The following GFOD1 variants were observed in gnomAD, a reference collection of about 807,000 sequenced individuals.
GFOD1 encodes the protein Gfo/Idh/MocA-like oxidoreductase domain containing 1, also known as glucose-fructose oxidoreductase domain-containing protein 1.
Under a neutral mutation model 25.4 loss-of-function variants are expected in GFOD1, and 9 were observed. The observed-to-expected ratio is 0.35, with a 90% CI of 0.21 to 0.62. GFOD1 has a LOEUF of 0.62. Ranked by LOEUF, GFOD1 falls within the 20% of genes least tolerant of loss-of-function variation. The pLI is 0.72. For synonymous variants in GFOD1, 253 were observed against 245.6 expected, an observed-to-expected ratio of 1.03 and a Z score of -0.28; for missense variants, 403 against 556.9, an observed-to-expected ratio of 0.72 and a Z score of 2.78.
chr6:13,485,377 G>A (rs1198772755), intron 1 of GFOD1, among the ~76,000 whole-genome samples: 2 of 152,198 alleles, frequency 1.3e-5, no homozygotes. Flanking sequence ...ACTTCCGGCT[G>A]GTTTCTGGAT....
Position 13,360,675 on chromosome 6 carries a change from C to T in GFOD1, c.*4068G>A. 2.2e-6 allele frequency: 1 copy of T among 454,954 alleles called. No individual in the cohort carries two copies. Among genetic ancestry groups the T allele is most frequent in the Non-Finnish European group, 4.4e-6 (1 of 225,506 alleles). 28.2% of individuals were successfully genotyped at this position (454,954 alleles called of 1,614,324 possible). Reference sequence around the variant, plus strand: ...TTGGAATGGGAAGAAACACTGGCTACTTCTATGTGCAGCTCTACAGCCTCC... The same window carrying T: ...TTGGAATGGGAAGAAACACTGGCTATTTCTATGTGCAGCTCTACAGCCTCC... On this transcript the variant is annotated 3_prime_UTR_variant, in exon 2 of 2. Transcript: ENST00000379287.
chr6:13,486,258 C>A (rs57203835), intron 1 of GFOD1: 5,772 of 247,578 alleles, frequency 0.023, 204 homozygotes, highest in African/African-American at 0.072. Context: ...CCCCCCCCCC[C>A]ACACACACAC....
intron 1 of GFOD1, among the ~76,000 whole-genome samples, chr6:13,485,580 G>A (rs867680682): frequency 1.3e-5 from 2 of 151,984 alleles, no homozygotes; most frequent in African/African-American, 4.8e-5. Flanking sequence ...TTTAGGTTAC[G>A]TGCAAGAACT....
At chr6:13,478,171 A>T (rs1008419820) in intron 1 of GFOD1, among the ~76,000 whole-genome samples, 6 of 151,174 alleles carry the variant, frequency 4.0e-5, no homozygotes, top group Admixed American at 1.3e-4. Context: ...AGTTTTTTTC[A>T]TTTTGTTGCC....
chr6:13,443,752 G>A (rs1284222420), intron 1 of GFOD1, among the ~76,000 whole-genome samples: 1 of 149,438 alleles, frequency 6.7e-6, no homozygotes, highest in Non-Finnish European at 1.5e-5. Context: ...GGAGGCAGAG[G>A]TTGCAGTGAG....
At chr6:13,417,240 G>A (rs190833489) in intron 1 of GFOD1, among the ~76,000 whole-genome samples, 240 of 152,262 alleles carry the variant, frequency 1.6e-3, no homozygotes, top group Non-Finnish European at 2.9e-3. Flanking sequence ...TGCAAGCTCC[G>A]CTTCCCGGGT....
At chr6:13,414,688 G>T (rs1304592016) in intron 1 of GFOD1, among the ~76,000 whole-genome samples, 13 of 152,168 alleles carry the variant, frequency 8.5e-5, no homozygotes, top group Non-Finnish European at 1.8e-4. Flanking sequence ...CTGGCATGTA[G>T]GAAATGCTTG....
At chr6:13,452,074 G>A (rs1252689334) in intron 1 of GFOD1, among the ~76,000 whole-genome samples, 1 of 152,136 alleles carries the variant, frequency 6.6e-6, no homozygotes, top group East Asian at 1.9e-4. Context: ...TGCTCAGGTG[G>A]GAGGCAAAGG....
chr6:13,451,821 C>G (rs572029923), intron 1 of GFOD1, among the ~76,000 whole-genome samples: 1 of 152,294 alleles, frequency 6.6e-6, no homozygotes, highest in African/African-American at 2.4e-5. Flanking sequence ...TGAGGGTTTC[C>G]ACTGCATTCA....
chr6:13,465,597 C>T (rs766401856), intron 1 of GFOD1, among the ~76,000 whole-genome samples: 3 of 152,184 alleles, frequency 2.0e-5, no homozygotes, highest in African/African-American at 2.4e-5. Flanking sequence ...CCCTCAGAGA[C>T]GCTGATGTAA....
chr6:13,407,239 C>G (rs926165455), intron 1 of GFOD1, among the ~76,000 whole-genome samples: 2 of 152,184 alleles, frequency 1.3e-5, no homozygotes, highest in Non-Finnish European at 2.9e-5. Context: ...TATTTTGGAT[C>G]TGGGTTACTG....
Position 13,382,731 on chromosome 6 carries a change from G to A in GFOD1, c.254-17069C>T, listed in dbSNP as rs190836868. Reference sequence around the variant, plus strand: ...AGGTTTGTTACATAGGTAAATGTGTGTCATGGTGGTTTGCTGAGCCTATCA... The same window carrying A: ...AGGTTTGTTACATAGGTAAATGTGTATCATGGTGGTTTGCTGAGCCTATCA... On this transcript the variant is annotated intron_variant, in intron 1 of 1. Coordinates refer to ENST00000379287, the MANE Select transcript of GFOD1 (RefSeq NM_018988.4). 2.1e-3 allele frequency among the ~76,000 whole-genome samples: 324 copies of A among 152,284 alleles called. 2 individuals carry two copies. Among genetic ancestry groups the A allele is most frequent in the African/African-American group, 7.1e-3 (293 of 41,546 alleles).
At chr6:13,406,394 G>A (rs541532018) in intron 1 of GFOD1, among the ~76,000 whole-genome samples, 7 of 152,272 alleles carry the variant, frequency 4.6e-5, no homozygotes, top group Admixed American at 3.9e-4. Context: ...CCCTCTGAAG[G>A]ACAGCTTGTG....
chr6:13,376,011 G>A (rs151073695), intron 1 of GFOD1, among the ~76,000 whole-genome samples: 4 of 152,330 alleles, frequency 2.6e-5, no homozygotes, highest in African/African-American at 9.6e-5. Flanking sequence ...GCATTCCCCA[G>A]GAAAGAAAAG....
At chr6:13,415,957 T>A (rs937352360) in intron 1 of GFOD1, among the ~76,000 whole-genome samples, 16 of 152,190 alleles carry the variant, frequency 1.1e-4, no homozygotes, top group African/African-American at 3.9e-4. Flanking sequence ...TGGGGAGTGA[T>A]ATGGTTTGGC....
In GFOD1 at chr6:13,465,727, C is replaced by T. The variant is rs965114745; in HGVS notation, c.253+20911G>A. On this transcript the variant is annotated intron_variant, in intron 1 of 1. Coordinates refer to ENST00000379287, the MANE Select transcript of GFOD1 (RefSeq NM_018988.4). ...CTTGTCTTAGAAGGAGAATTGAGCC[C>T]AGTGAAGCTGAGGGACCCCTGTTAA... Among the ~76,000 whole-genome samples, 6 of 152,222 alleles carry T rather than the reference C, an allele frequency of 3.9e-5. No individual in the cohort carries two copies. In the Middle Eastern group the frequency reaches 0.014, roughly 345 times the overall value.
intron 1 of GFOD1, among the ~76,000 whole-genome samples, chr6:13,471,163 A>G (rs1441417148): frequency 6.6e-6 from 1 of 152,116 alleles, no homozygotes; most frequent in Admixed American, 6.5e-5. Flanking sequence ...TCTGAAGTCA[A>G]AATTCCTCCC....
intron 1 of GFOD1, among the ~76,000 whole-genome samples, chr6:13,407,206 C>T (rs1441540195): frequency 2.0e-5 from 3 of 152,202 alleles, no homozygotes; most frequent in African/African-American, 7.2e-5. Context: ...TACAGAGCGA[C>T]TGCTATGGGA....
intron 1 of GFOD1, among the ~76,000 whole-genome samples, chr6:13,400,241 A>G (rs911583237): frequency 9.9e-5 from 15 of 152,188 alleles, no homozygotes; most frequent in African/African-American, 3.6e-4. Flanking sequence ...TAAATGTTAA[A>G]ATATCTATTT....
Sources: gnomAD v4.1 joint callset for allele counts (sites outside exome capture counted in the v4.1 genomes callset) on GRCh38, gnomAD v4.1.1 for gene constraint, MANE v1.5 for transcripts, NCBI Gene and HGNC (gene_info 2026-07-23, HGNC 2026-07-21) for gene names.